The following CSNK2A2 variants were observed in gnomAD, a reference collection of about 807,000 sequenced individuals.
CSNK2A2 encodes casein kinase 2 alpha 2.
Under a neutral mutation model 54.0 loss-of-function variants are expected in CSNK2A2, and 8 were observed. The observed-to-expected ratio is 0.15, with a 90% CI of 0.09 to 0.27. CSNK2A2 has a LOEUF of 0.27. Among genes scored for constraint, CSNK2A2 ranks in the 10% least tolerant of loss-of-function variants. The probability of loss-of-function intolerance (pLI) is 1.00; values close to 1 mark genes in which losing one functional copy is unlikely to be tolerated. For missense variants in CSNK2A2, 242 were observed against 439.4 expected (o/e 0.55, Z 4.02); for synonymous variants, 141 against 153.9 (o/e 0.92, Z 0.62).
Position 58,197,584 on chromosome 16 carries a change from G to A in CSNK2A2, c.104+49C>T. On this transcript the variant is annotated intron_variant, in intron 1 of 11. Transcript: ENST00000262506. This position sits in a 1 kb window ranked among gnomAD's most constrained non-coding sequence, Gnocchi z 4.0. ...GAGTGCGGTTCGCAGGGGGTGGCCG[G>A]GCGGGGGCAGGGATCAGCGGGCCCG... 7.4e-7 allele frequency: 1 copy of A among 1,353,518 alleles called. No individual in the cohort carries two copies. Among genetic ancestry groups the A allele is most frequent in the South Asian group, 1.3e-5 (1 of 77,020 alleles). The allele number at this position is 1,353,518 out of a possible 1,614,324, so 83.8% of individuals were successfully genotyped here.
At chr16:58,161,564 C>CAG in intron 11 of CSNK2A2, 1 of 134,278 alleles carries the variant, frequency 7.4e-6, no homozygotes, top group African/African-American at 3.7e-5. Flanking sequence ...CACACACAGA[C>CAG]ACACACACAG....
chr16:58,184,708 T>C (rs1962145592), intron 3 of CSNK2A2, among the ~76,000 whole-genome samples: 1 of 152,230 alleles, frequency 6.6e-6, no homozygotes, highest in African/African-American at 2.4e-5. Context: ...TCAAAGGTTA[T>C]GTGAGGATTT....
chr16:58,165,783 A>G, intron 9 of CSNK2A2, 75 bp from the exon 10 acceptor site: 2 of 1,476,340 alleles, frequency 1.4e-6, no homozygotes, highest in Non-Finnish European at 1.8e-6. Context: ...GGCTAAAGCC[A>G]ACAAAATCTC....
At chr16:58,163,253 C>CAAAAAAAA (rs55808367) in intron 11 of CSNK2A2, 15 of 66,582 alleles carry the variant, frequency 2.3e-4, no homozygotes, top group East Asian at 1.3e-3. Flanking sequence ...ACAAGGCTGC[C>CAAAAAAAA]AAAAAAAAAA....
chr16:58,188,980 G>A (rs1316135311), intron 2 of CSNK2A2, among the ~76,000 whole-genome samples: 5 of 141,602 alleles, frequency 3.5e-5, no homozygotes, highest in East Asian at 2.0e-4. Flanking sequence ...TTTTTGAGAC[G>A]GAGTCTCACT....
intron 3 of CSNK2A2, among the ~76,000 whole-genome samples, chr16:58,184,774 T>C (rs1962147038): frequency 6.6e-6 from 1 of 152,220 alleles, no homozygotes; most frequent in Non-Finnish European, 1.5e-5. Flanking sequence ...ATTTTCATCT[T>C]AGTTTAGCAA....
chr16:58,171,965 ATATATATATATATATTTTTTT>A (rs1250249543), intron 5 of CSNK2A2, among the ~76,000 whole-genome samples: 1 of 10,510 alleles, frequency 9.5e-5, no homozygotes, highest in African/African-American at 2.7e-4. Flanking sequence ...ATGCATATAT[ATATATATATATATATTTTTTT>A]TTTTTTTTTT....
At chr16:58,189,892 A>C (rs1962285030) in intron 2 of CSNK2A2, among the ~76,000 whole-genome samples, 1 of 152,218 alleles carries the variant, frequency 6.6e-6, no homozygotes, top group Non-Finnish European at 1.5e-5. Flanking sequence ...CGAGAAACTA[A>C]ACCAATGAGC....
At chr16:58,194,400 T>C (rs769788855) in intron 2 of CSNK2A2, among the ~76,000 whole-genome samples, 3 of 152,208 alleles carry the variant, frequency 2.0e-5, no homozygotes, top group African/African-American at 4.8e-5. Context: ...ACCACAATAA[T>C]GCCATTAGTG....
rs12920269 is a variant in CSNK2A2 at position 58,167,855 on chromosome 16, A to G, written c.514-60T>C. On this transcript the variant is annotated intron_variant, in intron 6 of 11. Transcript: ENST00000262506. ...GTGTTTCTAGACGCCTATGCCTTAG[A>G]ACAAGGCCACATCACATTAGGTAAC... The G allele has an allele frequency of 0.16, 210,897 of 1,279,104 alleles. 19,344 individuals are homozygous for G. Among genetic ancestry groups the G allele is most frequent in the Admixed American group, 0.33 (19,372 of 58,874 alleles). The allele number at this position is 1,279,104 out of a possible 1,614,324, so 79.2% of individuals were successfully genotyped here.
chr16:58,170,415 T>C lies in CSNK2A2; in HGVS notation c.430-1722A>G, dbSNP rs141264281. On this transcript the variant is annotated intron_variant, in intron 5 of 11. Transcript: ENST00000262506. ...TGAGATTCATCCAAGTTGTTTTTCC[T>C]TGCTGAGTAGTATTCCACTACTAGC... 6.2e-3 allele frequency among the ~76,000 whole-genome samples: 948 copies of C among 152,252 alleles called. 14 individuals carry two copies. Among genetic ancestry groups the C allele is most frequent in the African/African-American group, 0.022 (907 of 41,570 alleles).
intron 4 of CSNK2A2, among the ~76,000 whole-genome samples, chr16:58,177,103 T>C (rs970490743): frequency 6.6e-6 from 1 of 152,164 alleles, no homozygotes; most frequent in Non-Finnish European, 1.5e-5. Flanking sequence ...CAACCACATA[T>C]GAAGTCCTCA....
chr16:58,178,154 A>C (rs1314405631), intron 4 of CSNK2A2, among the ~76,000 whole-genome samples: 1 of 152,128 alleles, frequency 6.6e-6, no homozygotes, highest in Non-Finnish European at 1.5e-5. Flanking sequence ...TATGTGAGTG[A>C]TTTAGAAATC....
rs992854960 is a variant in CSNK2A2, at chr16:58,164,233, G to C, written c.977-86C>G. On this transcript the variant is annotated intron_variant, in intron 10 of 11. Transcript: ENST00000262506. ...GGCAAACCCACCCTTTCAACGGAAA[G>C]AGAGACAGACTGATGGGCAAGCCAG... 8.6e-5 allele frequency: 110 copies of C among 1,278,306 alleles called. No individual in the cohort carries two copies. In the Admixed American group the frequency reaches 8.9e-4, roughly 10 times the overall value. 79.2% of individuals were successfully genotyped at this position (1,278,306 alleles called of 1,614,324 possible).
chr16:58,196,957 A>G (rs1026663108), intron 1 of CSNK2A2, 113 bp from the exon 2 acceptor site: 1 of 756,866 alleles, frequency 1.3e-6, no homozygotes, highest in Non-Finnish European at 2.4e-6. Flanking sequence ...AAGTGTCTAT[A>G]CATCACGTCA....
rs942858668 is a variant in CSNK2A2 at position 58,197,372 on chromosome 16, C to A, written c.104+261G>T. 5.9e-5 allele frequency among the ~76,000 whole-genome samples: 9 copies of A among 152,220 alleles called. No homozygotes were observed. Among genetic ancestry groups the A allele is most frequent in the Non-Finnish European group, 2.9e-5 (2 of 68,042 alleles). On this transcript the variant is annotated intron_variant, in intron 1 of 11. Transcript: ENST00000262506. This position sits in a 1 kb window ranked among gnomAD's most constrained non-coding sequence, Gnocchi z 4.0. ...TCCCTCACTTCCACCCGGCGTCGAT[C>A]CCTGGACCCCACACTTCTCCCCGAG...
chr16:58,176,265 T>G (rs1033982685), intron 4 of CSNK2A2, among the ~76,000 whole-genome samples: 2 of 152,228 alleles, frequency 1.3e-5, no homozygotes, highest in African/African-American at 4.8e-5. Context: ...AGGACTTTTA[T>G]CTGTGGAAGG....
chr16:58,162,522 CTACCAA>C (rs1457885732), intron 11 of CSNK2A2: 1 of 152,154 alleles, frequency 6.6e-6, no homozygotes, highest in Admixed American at 6.5e-5. Context: ...GTAGGATCTG[CTACCAA>C]TACCAATAAG....
At chr16:58,167,546 G>C in intron 7 of CSNK2A2, 139 bp downstream of exon 7, 1 of 678,294 alleles carries the variant, frequency 1.5e-6, no homozygotes, top group Non-Finnish European at 2.4e-6. Flanking sequence ...AAAACTAGCT[G>C]AGAAAAAACT....
Sources: gnomAD v4.1 joint callset for allele counts (sites outside exome capture counted in the v4.1 genomes callset) on GRCh38, gnomAD v4.1.1 for gene constraint, Gnocchi (gnomAD v3.1) non-coding constraint, MANE v1.5 for transcripts, NCBI Gene and HGNC (gene_info 2026-07-23, HGNC 2026-07-21) for gene names.